The following CADPS variants were observed in gnomAD, a reference collection of about 807,000 sequenced individuals.
CADPS encodes the protein calcium dependent secretion activator.
CADPS carries 57 observed loss-of-function variants against 167.3 expected under a neutral mutation model. The ratio of observed to expected loss-of-function variants is 0.34; its 90% CI spans 0.28 to 0.42. The LOEUF (loss-of-function observed/expected upper bound fraction) is 0.42. CADPS is among the 20% of genes least tolerant of loss of function. The pLI, the probability that CADPS is intolerant of heterozygous loss-of-function variation, is 1.00. For synonymous variants in CADPS, 676 were observed against 635.3 expected, an observed-to-expected ratio of 1.06 and a Z score of -0.96; for missense variants, 1,414 against 1,738.1, an observed-to-expected ratio of 0.81 and a Z score of 3.32.
At chr3:62,824,166 C>CAAAAAAAAAAAAAA (rs3047274) in intron 1 of CADPS, among the ~76,000 whole-genome samples, 1 of 126,652 alleles carries the variant, frequency 7.9e-6, no homozygotes, top group African/African-American at 2.9e-5. Flanking sequence ...GCTATAACTT[C>CAAAAAAAAAAAAAA]AAAAAAAAAA....
chr3:62,817,960 C>T (rs1474730141), intron 1 of CADPS, among the ~76,000 whole-genome samples: 1 of 152,062 alleles, frequency 6.6e-6, no homozygotes, highest in Non-Finnish European at 1.5e-5. Flanking sequence ...ACTCAAGGGC[C>T]CTTTAATAAT....
intron 1 of CADPS, among the ~76,000 whole-genome samples, chr3:62,790,771 T>C (rs2092862828): frequency 6.6e-6 from 1 of 152,206 alleles, no homozygotes; most frequent in African/African-American, 2.4e-5. Context: ...CTTTGGGCAT[T>C]CATGGAAGTC....
Position 62,753,416 on chromosome 3 carries a change from T to C in CADPS, c.888+25A>G, listed in dbSNP as rs776980694. The C allele has an allele frequency of 6.4e-7, 1 of 1,568,230 alleles. No individual in the cohort carries two copies. Among genetic ancestry groups the C allele is most frequent in the Non-Finnish European group, 8.7e-7 (1 of 1,145,714 alleles). ...ATGCAGCTCTGCTTACCCACAGCTC[T>C]AGGCCCAGGCGAGAAACACCTTACC... On this transcript the variant is annotated intron_variant, in intron 3 of 29. Transcript: ENST00000383710. The surrounding 1 kb of genome is among the most constrained non-coding windows in gnomAD (Gnocchi z 4.6).
chr3:62,862,972 T>C (rs1235305748), intron 1 of CADPS, among the ~76,000 whole-genome samples: 1 of 152,242 alleles, frequency 6.6e-6, no homozygotes, highest in East Asian at 1.9e-4. Context: ...GCTGTTTTAA[T>C]GAAGCAATGA....
At chr3:62,457,453 G>A (rs1255802693) in intron 26 of CADPS, among the ~76,000 whole-genome samples, 3 of 152,126 alleles carry the variant, frequency 2.0e-5, no homozygotes, top group East Asian at 1.9e-4. Context: ...GTGTTTTAGA[G>A]ACTATGTAAA....
intron 9 of CADPS, among the ~76,000 whole-genome samples, chr3:62,564,607 CTTTTT>C (rs11351162): frequency 1.6e-5 from 2 of 127,334 alleles, no homozygotes; most frequent in Admixed American, 8.0e-5. Flanking sequence ...AACCAGAAAT[CTTTTT>C]TTTTTTTTTT....
chr3:62,633,956 T>C (rs181978422), intron 6 of CADPS, among the ~76,000 whole-genome samples: 1 of 152,342 alleles, frequency 6.6e-6, no homozygotes, highest in African/African-American at 2.4e-5. Flanking sequence ...CTGCTGCCTC[T>C]ATACAACACA....
chr3:62,820,713 C>T (rs1337649459), intron 1 of CADPS, among the ~76,000 whole-genome samples: 1 of 152,104 alleles, frequency 6.6e-6, no homozygotes, highest in African/African-American at 2.4e-5. Context: ...TTTGCATATA[C>T]CATTCCCTTT....
intron 8 of CADPS, among the ~76,000 whole-genome samples, chr3:62,572,378 TG>T (rs1268565618): frequency 6.6e-6 from 1 of 152,156 alleles, no homozygotes; most frequent in Non-Finnish European, 1.5e-5. Context: ...CCACATTTTT[TG>T]CTTCCATGGA....
chr3:62,480,619 T>G (rs1413635219), intron 22 of CADPS, among the ~76,000 whole-genome samples: 8 of 152,204 alleles, frequency 5.3e-5, no homozygotes, highest in Non-Finnish European at 1.2e-4. Flanking sequence ...CTGAGGGCCG[T>G]CTTGATGAAT....
intron 3 of CADPS, among the ~76,000 whole-genome samples, chr3:62,740,772 T>C (rs971157733): frequency 2.6e-5 from 4 of 152,230 alleles, no homozygotes; most frequent in African/African-American, 9.6e-5. Flanking sequence ...GTTCCTATCA[T>C]GTGATGGGCT....
chr3:62,696,018 T>A (rs77474881), intron 3 of CADPS, among the ~76,000 whole-genome samples: 10,573 of 152,186 alleles, frequency 0.069, 460 homozygotes, highest in South Asian at 0.16. Flanking sequence ...TAATCTGCCT[T>A]TTGTCAGTTA....
At chr3:62,653,833 C>T (rs963006182) in intron 4 of CADPS, among the ~76,000 whole-genome samples, 7 of 151,950 alleles carry the variant, frequency 4.6e-5, no homozygotes, top group African/African-American at 7.3e-5. Flanking sequence ...AAATCCACTC[C>T]GCAACGTCAC....
intron 1 of CADPS, among the ~76,000 whole-genome samples, chr3:62,804,279 C>G (rs186985805): frequency 5.3e-5 from 8 of 152,174 alleles, no homozygotes; most frequent in African/African-American, 1.7e-4. Flanking sequence ...AACCACTCCC[C>G]CTTTGAGGCT....
At chr3:62,755,318 T>C (rs506307) in intron 2 of CADPS, among the ~76,000 whole-genome samples, 146,300 of 152,198 alleles carry the variant, frequency 0.96, 70,386 homozygotes, top group East Asian at 1. Flanking sequence ...GTCTTATTTT[T>C]GCTCCACTGC....
chr3:62,550,096 G>C lies in CADPS; in HGVS notation c.1773C>G (p.Ala591=), dbSNP rs984428198. ...CTCCCTCCTTGACAGCATTGAAGAA[G>C]GCTCGGCCACCCTCCAAACCTGGAA... ...DPQPGLEGGR[A]FFNAVKEGDT... Residue 591 remains alanine (A), a synonymous_variant, in exon 11 of 30, where the codon GCC becomes GCG. Transcript: ENST00000383710. The C allele has an allele frequency of 1.9e-6, 3 of 1,613,970 alleles. No individual in the cohort carries two copies. The highest frequency in any genetic ancestry group is 2.5e-6 in the Non-Finnish European group (3 of 1,179,898).
chr3:62,818,010 G>T (rs1314031931), intron 1 of CADPS, among the ~76,000 whole-genome samples: 3 of 152,078 alleles, frequency 2.0e-5, no homozygotes, highest in Non-Finnish European at 4.4e-5. Context: ...TGGTTTAAGT[G>T]ACTTTCTCCA....
At chr3:62,547,870 T>C (rs1295377926) in intron 11 of CADPS, among the ~76,000 whole-genome samples, 1 of 152,086 alleles carries the variant, frequency 6.6e-6, no homozygotes. Flanking sequence ...TTCTTGTCTC[T>C]AATTTTACTC....
At chr3:62,872,710 T>A (rs1029091592) in intron 1 of CADPS, among the ~76,000 whole-genome samples, 3 of 152,172 alleles carry the variant, frequency 2.0e-5, no homozygotes. Context: ...TTAGAAGAAC[T>A]GTGTCTCTGT....
Sources: allele counts gnomAD v4.1 joint callset (sites outside exome capture counted in the v4.1 genomes callset), GRCh38; gene constraint gnomAD v4.1.1; non-coding constraint Gnocchi (gnomAD v3.1); transcripts MANE v1.5; gene names NCBI Gene and HGNC (gene_info 2026-07-23, HGNC 2026-07-21).